LARP1B: variants seen among roughly 807,000 people sequenced by gnomAD.
LARP1B encodes la-related protein 1B.
Under a neutral mutation model 114.2 loss-of-function variants are expected in LARP1B, and 76 were observed. That is an observed-to-expected ratio of 0.67 (90% CI 0.55 to 0.81). The LOEUF (loss-of-function observed/expected upper bound fraction) is 0.81, where lower values mean the gene tolerates loss of function less well. LARP1B is among the 30% of genes least tolerant of loss of function. The pLI is 0.00. For synonymous variants in LARP1B, 345 were observed against 348.0 expected, an observed-to-expected ratio of 0.99 and a Z score of 0.10; for missense variants, 1,014 against 1,075.8, an observed-to-expected ratio of 0.94 and a Z score of 0.80.
In LARP1B at chr4:128,193,110, C is replaced by T. The variant is rs139463301; in HGVS notation, c.2004-6329C>T. ...TAGCCTCCCAAGGTGTTGGGATTAC[C>T]GTTATGAGTCACCACACCCAGTCCC... is the stretch of plus-strand genomic sequence containing the variant. On this transcript the variant is annotated intron_variant, in intron 15 of 19. Coordinates refer to ENST00000326639, the MANE Select transcript of LARP1B (RefSeq NM_018078.4). Among the ~76,000 whole-genome samples, 8 of 152,174 alleles carry T rather than the reference C, an allele frequency of 5.3e-5. No individual in the cohort carries two copies. In the East Asian group the frequency reaches 1.5e-3, roughly 29 times the overall value.
At chr4:128,222,346 C>T (rs1439943755) in intron 7 of LARP1B, 1 of 456,372 alleles carries the variant, frequency 2.2e-6, no homozygotes, top group Admixed American at 2.3e-5. Flanking sequence ...TATGTTTTCC[C>T]AGAATCACCA....
intron 10 of LARP1B, among the ~76,000 whole-genome samples, chr4:128,120,393 A>G (rs1303099332): frequency 2.0e-5 from 3 of 152,148 alleles, no homozygotes; most frequent in Non-Finnish European, 4.4e-5. Context: ...TTTACATGTT[A>G]TAAGATCTAG....
chr4:128,155,906 A>T, intron 11 of LARP1B: 1 of 1,549,892 alleles, frequency 6.5e-7, no homozygotes, highest in Non-Finnish European at 8.9e-7. Context: ...CCCATCTGCA[A>T]AATCCCCGAA....
intron 12 of LARP1B, among the ~76,000 whole-genome samples, chr4:128,176,376 C>T (rs1484797587): frequency 6.6e-5 from 10 of 150,832 alleles, no homozygotes; most frequent in African/African-American, 2.4e-4. Context: ...TCACTGCAGC[C>T]TCCACCTGCC....
chr4:128,147,976 A>G (rs1293588031), intron 11 of LARP1B, among the ~76,000 whole-genome samples: 1 of 152,172 alleles, frequency 6.6e-6, no homozygotes, highest in Non-Finnish European at 1.5e-5. Flanking sequence ...TTGATTATCT[A>G]ATGAGAGCTA....
chr4:128,086,701 T>A (rs186466896), intron 5 of LARP1B, among the ~76,000 whole-genome samples: 168 of 152,330 alleles, frequency 1.1e-3, no homozygotes, highest in Non-Finnish European at 1.9e-3. Flanking sequence ...GATTCAGGCT[T>A]ATTTTTTTGC....
chr4:128,120,006 G>A (rs1787348099), intron 10 of LARP1B, among the ~76,000 whole-genome samples: 1 of 152,118 alleles, frequency 6.6e-6, no homozygotes, highest in East Asian at 1.9e-4. Flanking sequence ...GAAAAGCAAT[G>A]TATATTGTTT....
intron 10 of LARP1B, 83 bp from the exon 11 acceptor site, chr4:128,121,743 A>T: frequency 1.0e-6 from 1 of 958,638 alleles, no homozygotes; most frequent in Non-Finnish European, 1.5e-6. Flanking sequence ...GCTTGATATT[A>T]CTTACTTGTA....
At position 128,222,222 on chromosome 4, in the gene LARP1B, T is replaced by C. The variant is rs1466863636; in HGVS notation, n.935-127T>C. The C allele has an allele frequency of 7.1e-6, 3 of 425,382 alleles. No homozygotes were observed. In the East Asian group the frequency reaches 2.1e-4, roughly 30 times the overall value. The allele number at this position is 425,382 out of a possible 1,614,324, so 26.4% of individuals were successfully genotyped here. A position where few individuals can be genotyped will look rare whatever the true frequency, so the allele number is the denominator to read the frequency against. ...AGAGTTGCTTAGATGCCGTTATTTC[T>C]ACTGACCTTGACCAAGTGACAAGAG... is the stretch of plus-strand genomic sequence containing the variant. On this transcript the variant is annotated intron_variant and non_coding_transcript_variant, in intron 7 of 7. Transcript: ENST00000503725.
intron 11 of LARP1B, chr4:128,156,095 C>T (rs1735492347): frequency 1.2e-6 from 2 of 1,605,678 alleles, no homozygotes; most frequent in South Asian, 1.1e-5. Context: ...CTGGTCTTCA[C>T]CTACCCCAGC....
At chr4:128,162,097 G>GGT in intron 11 of LARP1B, 97 bp from the exon 12 acceptor site, 1 of 1,121,906 alleles carries the variant, frequency 8.9e-7, no homozygotes, top group Non-Finnish European at 1.3e-6. Context: ...ATTAATCCCT[G>GGT]TTTTAGAAGT....
intron 11 of LARP1B, among the ~76,000 whole-genome samples, chr4:128,127,155 A>G (rs555505594): frequency 2.0e-5 from 3 of 152,212 alleles, no homozygotes; most frequent in Admixed American, 6.5e-5. Context: ...TTTCAGTAAG[A>G]GTGTAGAATA....
chr4:128,079,507 CAA>C (rs1475918978), intron 4 of LARP1B, among the ~76,000 whole-genome samples: 7 of 151,970 alleles, frequency 4.6e-5, no homozygotes, highest in African/African-American at 1.7e-4. Context: ...ACAAGACAAA[CAA>C]GTGGTTGTTA....
chr4:128,176,093 G>A (rs1038818374), intron 12 of LARP1B, among the ~76,000 whole-genome samples: 2 of 138,662 alleles, frequency 1.4e-5, no homozygotes, highest in Non-Finnish European at 3.1e-5. Context: ...TCTCTCTCTC[G>A]ATATATATAT....
rs375029901 is a variant in LARP1B at position 128,083,422 on chromosome 4, C to T, written c.358+1117C>T. ...GCAGAGGCGCCCCTCACCTCCCGGA[C>T]GGGGCGGCTGGCCGGGCAGGGGGCT... On this transcript the variant is annotated intron_variant, in intron 5 of 19. Coordinates refer to ENST00000326639, the MANE Select transcript of LARP1B (RefSeq NM_018078.4). 6.2e-3 allele frequency among the ~76,000 whole-genome samples: 936 copies of T among 151,054 alleles called. 11 individuals carry two copies. Among genetic ancestry groups the T allele is most frequent in the African/African-American group, 0.021 (883 of 41,240 alleles).
intron 11 of LARP1B, among the ~76,000 whole-genome samples, chr4:128,133,624 T>C (rs1337841645): frequency 1.3e-5 from 2 of 152,262 alleles, no homozygotes; most frequent in African/African-American, 2.4e-5. Context: ...CTTGTGGTAC[T>C]GTCATAAAGA....
At chr4:128,151,240 A>G (rs1355471004) in intron 11 of LARP1B, among the ~76,000 whole-genome samples, 1 of 152,212 alleles carries the variant, frequency 6.6e-6, no homozygotes, top group Non-Finnish European at 1.5e-5. Flanking sequence ...TTATCCTAAA[A>G]TACATCAGCA....
intron 8 of LARP1B, among the ~76,000 whole-genome samples, chr4:128,098,765 ATATTTTTTTTTTT>A (rs1453251259): frequency 3.0e-5 from 1 of 32,840 alleles, no homozygotes; most frequent in South Asian, 1.1e-3. Flanking sequence ...ATATATATAT[ATATTTTTTTTTTT>A]TTTTTTTTTT....
intron 9 of LARP1B, among the ~76,000 whole-genome samples, chr4:128,113,701 G>A (rs1255592276): frequency 6.6e-6 from 1 of 151,124 alleles, no homozygotes; most frequent in Non-Finnish European, 1.5e-5. Context: ...TGTATAGAAA[G>A]ACCTTTTAAG....
Sources: allele counts gnomAD v4.1 joint callset (sites outside exome capture counted in the v4.1 genomes callset), GRCh38; gene constraint gnomAD v4.1.1; transcripts MANE v1.5; gene names NCBI Gene and HGNC (gene_info 2026-07-23, HGNC 2026-07-21).